SEPTIN7: variants seen among roughly 807,000 people sequenced by gnomAD.
The protein encoded by SEPTIN7 is septin-7.
A neutral mutation model predicts 63.3 loss-of-function variants in SEPTIN7; 10 were observed. The ratio of observed to expected loss-of-function variants is 0.16; its 90% CI spans 0.10 to 0.27. The LOEUF is 0.27. SEPTIN7 is among the 10% of genes least tolerant of loss of function. The pLI, the probability that SEPTIN7 is intolerant of heterozygous loss-of-function variation, is 1.00. For synonymous variants in SEPTIN7, 131 were observed against 165.3 expected (o/e 0.79, Z 1.59); for missense variants, 310 against 521.0 (o/e 0.59, Z 3.94).
At chr7:35,832,455 T>A (rs952895540) in intron 2 of SEPTIN7, among the ~76,000 whole-genome samples, 1 of 152,076 alleles carries the variant, frequency 6.6e-6, no homozygotes, top group African/African-American at 2.4e-5. Flanking sequence ...TGAATTTTTT[T>A]ATTGTGAAGA....
chr7:35,844,442 TTTAAC>T (rs1784555847), intron 3 of SEPTIN7, among the ~76,000 whole-genome samples: 2 of 150,854 alleles, frequency 1.3e-5, no homozygotes, highest in East Asian at 1.9e-4. Context: ...GCCTTCTGTA[TTTAAC>T]TTTATATCTA....
intron 11 of SEPTIN7, among the ~76,000 whole-genome samples, chr7:35,891,830 T>G (rs1477205052): frequency 6.6e-6 from 1 of 152,224 alleles, no homozygotes; most frequent in East Asian, 1.9e-4. Flanking sequence ...GTAGTAACAC[T>G]TAGCTTAAAA....
intron 7 of SEPTIN7, among the ~76,000 whole-genome samples, chr7:35,882,271 G>C (rs1222766431): frequency 6.7e-6 from 1 of 150,214 alleles, no homozygotes; most frequent in East Asian, 1.9e-4. Flanking sequence ...GGAAGTAATT[G>C]GATTTGGTGT....
chr7:35,900,154 A>T (rs1788231811), intron 12 of SEPTIN7: 1 of 152,248 alleles, frequency 6.6e-6, no homozygotes, highest in South Asian at 2.1e-4. Flanking sequence ...GCACGGAATG[A>T]GAAAGTATTA....
At chr7:35,801,014 G>T (rs1480846991), upstream of SEPTIN7, 2 of 452,906 alleles carry the variant, frequency 4.4e-6, no homozygotes, top group Non-Finnish European at 7.8e-6. Context: ...CGCTAGGCCC[G>T]GAAGCCTCGT....
chr7:35,860,435 C>T (rs1048010148), intron 3 of SEPTIN7, among the ~76,000 whole-genome samples: 36 of 152,148 alleles, frequency 2.4e-4, no homozygotes, highest in African/African-American at 7.0e-4. Flanking sequence ...TTTACCTTTA[C>T]GGGATCTTTA....
Position 35,801,127 on chromosome 7 carries a change from C to A in SEPTIN7, c.-83C>A. 8.3e-7 allele frequency: 1 copy of A among 1,200,136 alleles called. No homozygotes were observed. Among genetic ancestry groups the A allele is most frequent in the Middle Eastern group, 2.9e-4 (1 of 3,492 alleles). The allele number at this position is 1,200,136 out of a possible 1,614,324, so 74.3% of individuals were successfully genotyped here. On this transcript the variant is annotated 5_prime_UTR_variant, in exon 1 of 14. Coordinates refer to ENST00000350320, the MANE Select transcript of SEPTIN7 (RefSeq NM_001788.6). Reference sequence around the variant, plus strand: ...TAAGCAAGGCAGCTACGCCGGGCGGCTACGCTGCGGAATCGGCGTAGGCGC... The same window carrying A: ...TAAGCAAGGCAGCTACGCCGGGCGGATACGCTGCGGAATCGGCGTAGGCGC...
At chr7:35,874,330 A>C (rs1194497862) in intron 6 of SEPTIN7, among the ~76,000 whole-genome samples, 3 of 152,172 alleles carry the variant, frequency 2.0e-5, no homozygotes, top group Non-Finnish European at 2.9e-5. Flanking sequence ...CTTAAGACCT[A>C]AGAATCTAGA....
intron 3 of SEPTIN7, among the ~76,000 whole-genome samples, chr7:35,855,265 A>G (rs1258074342): frequency 6.6e-6 from 1 of 152,180 alleles, no homozygotes; most frequent in East Asian, 1.9e-4. Flanking sequence ...ATTATGTGGT[A>G]TTCTGTAATA....
intron 3 of SEPTIN7, among the ~76,000 whole-genome samples, chr7:35,849,448 G>A (rs1343864804): frequency 2.0e-5 from 3 of 152,236 alleles, no homozygotes; most frequent in African/African-American, 2.4e-5. Flanking sequence ...TGATGCTGCC[G>A]CTGGTCTGAC....
chr7:35,840,848 T>C (rs555597200), intron 3 of SEPTIN7, among the ~76,000 whole-genome samples: 43 of 152,180 alleles, frequency 2.8e-4, no homozygotes, highest in Non-Finnish European at 7.4e-5. Context: ...CCAAATGTTA[T>C]GGAAGTTTAG....
intron 3 of SEPTIN7, among the ~76,000 whole-genome samples, chr7:35,844,402 A>T (rs1032492499): frequency 1.7e-4 from 26 of 152,182 alleles, no homozygotes; most frequent in African/African-American, 6.3e-4. Context: ...CATGTTTTTG[A>T]CTTATGTTTT....
At chr7:35,820,051 A>G (rs6953271) in intron 1 of SEPTIN7, among the ~76,000 whole-genome samples, 46,591 of 151,200 alleles carry the variant, frequency 0.31, 7,319 homozygotes, top group East Asian at 0.41. Context: ...ATCATAGCTC[A>G]CTTGGTTGAC....
chr7:35,873,798 T>G, intron 6 of SEPTIN7, 23 bp downstream of exon 6: 1 of 1,604,512 alleles, frequency 6.2e-7, no homozygotes. Context: ...ATACTTCTGA[T>G]TCCTTTTTTG....
At chr7:35,874,607 T>C (rs1213657073) in intron 6 of SEPTIN7, among the ~76,000 whole-genome samples, 1 of 152,158 alleles carries the variant, frequency 6.6e-6, no homozygotes, top group East Asian at 1.9e-4. Flanking sequence ...AACACTCACA[T>C]TACAGTAGTG....
At chr7:35,895,447 AACTT>A (rs1646001074) in intron 11 of SEPTIN7, among the ~76,000 whole-genome samples, 2 of 152,336 alleles carry the variant, frequency 1.3e-5, no homozygotes, top group East Asian at 3.9e-4. Context: ...AAGACTAAAA[AACTT>A]ACAGTATCTT....
At chr7:35,884,084 T>C in intron 9 of SEPTIN7, 97 bp downstream of exon 9, 1 of 659,116 alleles carries the variant, frequency 1.5e-6, no homozygotes, top group Non-Finnish European at 2.7e-6. Context: ...ACTGTATTGA[T>C]ATAGTCTAGA....
intron 1 of SEPTIN7, among the ~76,000 whole-genome samples, chr7:35,829,275 G>A (rs950902928): frequency 1.3e-5 from 2 of 151,798 alleles, no homozygotes; most frequent in African/African-American, 4.8e-5. Flanking sequence ...GAATGGCTGG[G>A]ATTACAGGCA....
At chr7:35,816,381 G>A (rs1214670528) in intron 1 of SEPTIN7, among the ~76,000 whole-genome samples, 1 of 152,032 alleles carries the variant, frequency 6.6e-6, no homozygotes, top group African/African-American at 2.4e-5. Context: ...TTCAAGTTTT[G>A]TCTGTGTTGT....
Sources: gnomAD v4.1 joint callset for allele counts (sites outside exome capture counted in the v4.1 genomes callset) on GRCh38, gnomAD v4.1.1 for gene constraint, MANE v1.5 for transcripts, NCBI Gene and HGNC (gene_info 2026-07-23, HGNC 2026-07-21) for gene names.